Variants in PPP4R2 observed in about 807,000 individuals in gnomAD.
PPP4R2 encodes the protein protein phosphatase 4 regulatory subunit 2, also known as serine/threonine-protein phosphatase 4 regulatory subunit 2.
In PPP4R2, 13 loss-of-function variants were observed where a neutral mutation model predicts 47.2. The observed-to-expected ratio is 0.28, with a 90% CI of 0.18 to 0.44. The LOEUF (loss-of-function observed/expected upper bound fraction) is 0.44, where lower values mean the gene tolerates loss of function less well. PPP4R2 is among the 20% of genes least tolerant of loss of function. The pLI, the probability that PPP4R2 is intolerant of heterozygous loss-of-function variation, is 1.00. For missense variants in PPP4R2, 421 were observed against 491.2 expected (o/e 0.86, Z 1.35); for synonymous variants, 151 against 163.3 (o/e 0.92, Z 0.57).
intron 2 of PPP4R2, among the ~76,000 whole-genome samples, chr3:73,029,429 A>G (rs1039535823): frequency 2.0e-5 from 3 of 152,228 alleles, no homozygotes; most frequent in Non-Finnish European, 2.9e-5. Context: ...AATTAGTCAC[A>G]TTGTGTATGT....
chr3:73,062,908 GA>G (rs1284114204), intron 5 of PPP4R2: 9 of 1,606,824 alleles, frequency 5.6e-6, no homozygotes, highest in Non-Finnish European at 7.7e-6. Flanking sequence ...TAGTTGCCAA[GA>G]AAGCACAGAT....
intron 5 of PPP4R2, chr3:73,063,290 C>T: frequency 4.3e-6 from 1 of 234,264 alleles, no homozygotes; most frequent in Admixed American, 5.7e-5. Flanking sequence ...GATCCATGCA[C>T]TCCTAACATG....
intron 2 of PPP4R2, among the ~76,000 whole-genome samples, chr3:73,002,463 G>A (rs1039577433): frequency 2.6e-5 from 4 of 151,726 alleles, no homozygotes; most frequent in African/African-American, 7.3e-5. Context: ...TTGCTATGTT[G>A]CCTAGGCTGA....
chr3:73,034,142 G>T (rs1449483289), intron 2 of PPP4R2, among the ~76,000 whole-genome samples: 1 of 150,936 alleles, frequency 6.6e-6, no homozygotes, highest in Non-Finnish European at 1.5e-5. Flanking sequence ...GTGGGTGTGT[G>T]TATTTTTTTC....
intron 2 of PPP4R2, among the ~76,000 whole-genome samples, chr3:73,004,212 C>A (rs1215033410): frequency 6.8e-6 from 1 of 146,130 alleles, no homozygotes; most frequent in Non-Finnish European, 1.5e-5. Context: ...CTTTTTATTT[C>A]CCCTTTTTGT....
chr3:73,014,431 A>G (rs571587900), intron 2 of PPP4R2, among the ~76,000 whole-genome samples: 16 of 152,166 alleles, frequency 1.1e-4, no homozygotes, highest in Non-Finnish European at 1.9e-4. Context: ...GACTACAGGT[A>G]TGCACCACCA....
At chr3:73,056,035 T>TA (rs1274463462) in intron 3 of PPP4R2, among the ~76,000 whole-genome samples, 3 of 152,264 alleles carry the variant, frequency 2.0e-5, no homozygotes. Context: ...CTCCTCTCCC[T>TA]ATATTTGCTT....
At position 73,065,787 on chromosome 3, in the gene PPP4R2, T is replaced by C. The variant is rs1702983142; in HGVS notation, c.*65T>C. 8.9e-7 allele frequency: 1 copy of C among 1,118,002 alleles called. No individual in the cohort carries two copies. The highest frequency in any genetic ancestry group is 1.3e-6 in the Non-Finnish European group (1 of 796,158). 69.3% of individuals were successfully genotyped at this position (1,118,002 alleles called of 1,614,324 possible). A position where few individuals can be genotyped will look rare whatever the true frequency, so the allele number is the denominator to read the frequency against. The stretch of plus-strand genomic sequence containing the variant: ...TCTGGTTTTAACACTGTATAAAACT[T>C]TTGTGTAATAAAATGGACCTTTAGT... On this transcript the variant is annotated 3_prime_UTR_variant, in exon 9 of 9. Transcript: ENST00000356692.
intron 3 of PPP4R2, among the ~76,000 whole-genome samples, chr3:73,048,126 C>T (rs947789679): frequency 1.3e-5 from 2 of 152,192 alleles, no homozygotes; most frequent in African/African-American, 2.4e-5. Context: ...CCGCCTGCCT[C>T]GGCCTCCCAA....
intron 2 of PPP4R2, among the ~76,000 whole-genome samples, chr3:73,012,621 C>G (rs11714186): frequency 0.14 from 21,805 of 152,096 alleles, 1,884 homozygotes; most frequent in East Asian, 0.36. Flanking sequence ...TATTTTCAAT[C>G]TGAGGTTGGT....
chr3:73,035,793 T>C (rs1406625262), intron 2 of PPP4R2, among the ~76,000 whole-genome samples: 1 of 152,058 alleles, frequency 6.6e-6, no homozygotes, highest in Non-Finnish European at 1.5e-5. Flanking sequence ...GCCTGGCTAA[T>C]TTTTATATTT....
chr3:73,012,504 T>C (rs1423250487), intron 2 of PPP4R2, among the ~76,000 whole-genome samples: 2 of 152,166 alleles, frequency 1.3e-5, no homozygotes, highest in African/African-American at 2.4e-5. Context: ...TGTTTCACCA[T>C]GTTAGCCAGG....
At chr3:73,000,136 G>A (rs1186079867) in intron 2 of PPP4R2, among the ~76,000 whole-genome samples, 2 of 152,170 alleles carry the variant, frequency 1.3e-5, no homozygotes, top group Non-Finnish European at 2.9e-5. Context: ...CTGTATCTCA[G>A]CACTTTGGGA....
At chr3:72,997,955 G>A (rs1575831123) in intron 1 of PPP4R2, 122 bp from the exon 2 acceptor site, 1 of 713,460 alleles carries the variant, frequency 1.4e-6, no homozygotes, top group Non-Finnish European at 2.5e-6. Flanking sequence ...TTGGTTGAGA[G>A]GCCTTATTTT....
chr3:73,064,816 AAT>A (rs780274169), intron 7 of PPP4R2, 34 bp from the exon 8 acceptor site: 2 of 1,521,292 alleles, frequency 1.3e-6, no homozygotes, highest in South Asian at 1.3e-5. Flanking sequence ...TGGGGAAAAT[AAT>A]CTTATTAATG....
At chr3:73,043,177 G>GC (rs2107302025) in intron 2 of PPP4R2, among the ~76,000 whole-genome samples, 1 of 152,110 alleles carries the variant, frequency 6.6e-6, no homozygotes, top group East Asian at 1.9e-4. Context: ...AGTATAACTT[G>GC]CCCTGGTATG....
At chr3:73,064,820 T>G (rs778066088) in intron 7 of PPP4R2, 32 bp from the exon 8 acceptor site, 3 of 1,530,646 alleles carry the variant, frequency 2.0e-6, no homozygotes, top group Admixed American at 4.3e-5. Context: ...GAAAATAATC[T>G]TATTAATGAC....
intron 2 of PPP4R2, among the ~76,000 whole-genome samples, chr3:73,024,152 T>C (rs1399970197): frequency 6.6e-6 from 1 of 152,176 alleles, no homozygotes; most frequent in Non-Finnish European, 1.5e-5. Context: ...AATTCAGATC[T>C]AATTTCTAAT....
chr3:73,068,827 A>G lies in PPP4R2; in HGVS notation c.*3105A>G, dbSNP rs1559574915. On this transcript the variant is annotated 3_prime_UTR_variant, in exon 9 of 9. Coordinates refer to ENST00000356692, the MANE Select transcript of PPP4R2 (RefSeq NM_174907.4). ...AATGTTTGATTATGAAAAAAATGTAACATGGTAAGGATGAAAATGCAACTT... is the reference window on the plus strand; with the variant it reads ...AATGTTTGATTATGAAAAAAATGTAGCATGGTAAGGATGAAAATGCAACTT... The G allele has an allele frequency of 1.3e-5, 2 of 152,274 alleles. No individual in the cohort carries two copies. The highest frequency in any genetic ancestry group is 2.9e-5 in the Non-Finnish European group (2 of 68,044). 9.4% of individuals were successfully genotyped at this position (152,274 alleles called of 1,614,324 possible). A position where few individuals can be genotyped will look rare whatever the true frequency, so the allele number is the denominator to read the frequency against.
Sources: gnomAD v4.1 joint callset for allele counts (sites outside exome capture counted in the v4.1 genomes callset) on GRCh38, gnomAD v4.1.1 for gene constraint, MANE v1.5 for transcripts, NCBI Gene and HGNC (gene_info 2026-07-23, HGNC 2026-07-21) for gene names.